ANKRD44: variants seen among roughly 807,000 people sequenced by gnomAD.
ANKRD44 encodes ankyrin repeat domain 44, also known as serine/threonine-protein phosphatase 6 regulatory ankyrin repeat subunit B.
A neutral mutation model predicts 116.0 loss-of-function variants in ANKRD44; 35 were observed. The ratio of observed to expected loss-of-function variants is 0.30; its 90% CI spans 0.23 to 0.40. The LOEUF is 0.40. Ranked by LOEUF, ANKRD44 falls within the 10% of genes least tolerant of loss-of-function variation. The pLI is 1.00. For synonymous variants in ANKRD44, 435 were observed against 461.8 expected (o/e 0.94, Z 0.74); for missense variants, 1,014 against 1,242.6 (o/e 0.82, Z 2.77).
At chr2:197,011,523 A>G (rs1169409392) in intron 18 of ANKRD44, among the ~76,000 whole-genome samples, 1 of 148,938 alleles carries the variant, frequency 6.7e-6, no homozygotes, top group African/African-American at 2.5e-5. Flanking sequence ...CCCAGGCTGG[A>G]GTGCAGTGGC....
chr2:197,219,039 A>C (rs1426245909), intron 1 of ANKRD44, among the ~76,000 whole-genome samples: 2 of 149,332 alleles, frequency 1.3e-5, no homozygotes, highest in Non-Finnish European at 3.0e-5. Context: ...GTGGGATTAC[A>C]AGTGTGAGCC....
intron 16 of ANKRD44, among the ~76,000 whole-genome samples, chr2:197,043,067 A>G (rs551872843): frequency 6.6e-6 from 1 of 152,244 alleles, no homozygotes; most frequent in Admixed American, 6.5e-5. Context: ...GGGATATTTA[A>G]TTTAGTAATA....
chr2:197,020,062 T>C (rs1199532192), intron 17 of ANKRD44, among the ~76,000 whole-genome samples: 1 of 152,120 alleles, frequency 6.6e-6, no homozygotes, highest in East Asian at 1.9e-4. Flanking sequence ...GTGATCCACC[T>C]GCCTTGCCCT....
Position 197,201,693 on chromosome 2 carries a change from A to G in ANKRD44, c.28-14587T>C, listed in dbSNP as rs1435863616. Among the ~76,000 whole-genome samples, 1 of 152,192 alleles carries G rather than the reference A, an allele frequency of 6.6e-6. No homozygotes were observed. Among genetic ancestry groups the G allele is most frequent in the Non-Finnish European group, 1.5e-5 (1 of 68,024 alleles). On this transcript the variant is annotated intron_variant, in intron 1 of 27. Transcript: ENST00000282272. This position sits in a 1 kb window ranked among gnomAD's most constrained non-coding sequence, Gnocchi z 4.0. ...TTTTTGTGTTTTGTGTTTTTATTTC[A>G]GATGCAGGGGATACATGTGCAGGTT...
intron 1 of ANKRD44, among the ~76,000 whole-genome samples, chr2:197,289,336 C>G (rs1229076530): frequency 6.6e-6 from 1 of 152,202 alleles, no homozygotes; most frequent in African/African-American, 2.4e-5. Flanking sequence ...TGAAATGGTA[C>G]GACCACTTTG....
rs2077933385 is a variant in ANKRD44, at chr2:197,086,751, A to G, written c.1248-3T>C. The G allele has an allele frequency of 5.0e-6, 8 of 1,613,534 alleles. No homozygotes were observed. Among genetic ancestry groups the G allele is most frequent in the Non-Finnish European group, 5.9e-6 (7 of 1,179,678 alleles). On this transcript the variant is annotated splice_polypyrimidine_tract_variant and splice_region_variant and intron_variant, in intron 12 of 27. Transcript: ENST00000282272. The stretch of plus-strand genomic sequence containing the variant: ...AGAGTTTTATACATTCCACATTACT[A>G]GAAAGACAGGGAAAACATCATTAAG...
rs769873477 is a variant in ANKRD44 at position 197,147,047 on chromosome 2, A to G, written c.170T>C (p.Ile57Thr). ...VAAFLGDAEI[I>T]ELLILSGARV... ...TTTACCTGACAAAATCAGGAGTTCA[A>G]TGATCTCTGCATCTCCCAGAAATGC... The change falls in exon 3 of 28, where the codon ATT (isoleucine) becomes ACT (threonine). Residue 57 changes from isoleucine to threonine, a missense_variant. Physicochemically the swap from Ile to Thr is moderately conservative, Grantham distance 89. Coordinates refer to ENST00000282272, the MANE Select transcript of ANKRD44 (RefSeq NM_001195144.2). 7.4e-6 allele frequency: 12 copies of G among 1,613,676 alleles called. No individual in the cohort carries two copies. In the East Asian group the frequency reaches 8.9e-5, roughly 12 times the overall value.
intron 16 of ANKRD44, among the ~76,000 whole-genome samples, chr2:197,077,440 C>A (rs560540355): frequency 6.6e-6 from 1 of 152,230 alleles, no homozygotes; most frequent in Non-Finnish European, 1.5e-5. Context: ...GGATAAGATA[C>A]CTGCAAAGGC....
At chr2:197,018,794 T>C (rs1004826681) in intron 17 of ANKRD44, among the ~76,000 whole-genome samples, 2 of 152,230 alleles carry the variant, frequency 1.3e-5, no homozygotes, top group African/African-American at 4.8e-5. Context: ...GGTAGAAATA[T>C]GTTTTTTAAA....
At chr2:197,065,196 A>C (rs2077404270) in intron 16 of ANKRD44, among the ~76,000 whole-genome samples, 1 of 152,246 alleles carries the variant, frequency 6.6e-6, no homozygotes, top group South Asian at 2.1e-4. Context: ...CCTGCTCCTG[A>C]ATGACTACTG....
chr2:197,202,798 G>C (rs1010828536), intron 1 of ANKRD44, among the ~76,000 whole-genome samples: 2 of 151,738 alleles, frequency 1.3e-5, no homozygotes, highest in African/African-American at 4.8e-5. Context: ...GGCTGGTCTT[G>C]AACTCCTGGG....
At chr2:197,134,776 A>T (rs1012929430) in intron 4 of ANKRD44, 3 of 152,180 alleles carry the variant, frequency 2.0e-5, no homozygotes, top group Admixed American at 6.5e-5. Context: ...TCCCAACTAA[A>T]AAGACCTGGT....
chr2:196,990,263 T>C (rs1245016283), intron 27 of ANKRD44: 4 of 987,690 alleles, frequency 4.0e-6, no homozygotes, highest in South Asian at 4.7e-5. Flanking sequence ...AGGCATTTCC[T>C]ATCTGCCTCT....
rs889581813 is a variant in ANKRD44 at position 197,201,483 on chromosome 2, C to A, written c.28-14377G>T. Among the ~76,000 whole-genome samples, 1 of 152,176 alleles carries A rather than the reference C, an allele frequency of 6.6e-6. No individual in the cohort carries two copies. The highest frequency in any genetic ancestry group is 1.5e-5 in the Non-Finnish European group (1 of 68,030). ...GATCCTTTGGCCTCCTCTGGCCCAA[C>A]TGACATAACTGAGGTTGGTTCCTTT... On this transcript the variant is annotated intron_variant, in intron 1 of 27. Coordinates refer to ENST00000282272, the MANE Select transcript of ANKRD44 (RefSeq NM_001195144.2). This position sits in a 1 kb window ranked among gnomAD's most constrained non-coding sequence, Gnocchi z 4.0.
intron 17 of ANKRD44, among the ~76,000 whole-genome samples, chr2:197,018,346 C>CA (rs1491546349): frequency 1.3e-5 from 2 of 152,296 alleles, no homozygotes; most frequent in East Asian, 3.9e-4. Flanking sequence ...TCCCCTCACT[C>CA]ACTCTGTTCC....
chr2:197,037,729 C>T (rs1048259939), intron 16 of ANKRD44, among the ~76,000 whole-genome samples: 24 of 152,238 alleles, frequency 1.6e-4, no homozygotes, highest in Middle Eastern at 3.4e-3. Context: ...CTTGAGCCCA[C>T]GAGTTTGAGA....
chr2:197,080,142 C>T lies in ANKRD44; in HGVS notation c.1539-1328G>A, dbSNP rs531816368. Among the ~76,000 whole-genome samples, 147 of 152,300 alleles carry T rather than the reference C, an allele frequency of 9.7e-4. 1 individual carries two copies. The highest frequency in any genetic ancestry group is 2.5e-3 in the South Asian group (12 of 4,830). ...TAGGAATAACATGCTAGTGGACACA[C>T]AATTCCCAATTTCTGAATGGATTAT... On this transcript the variant is annotated intron_variant, in intron 15 of 27. Coordinates refer to ENST00000282272, the MANE Select transcript of ANKRD44 (RefSeq NM_001195144.2).
At chr2:197,115,135 C>T (rs964312793) in intron 8 of ANKRD44, among the ~76,000 whole-genome samples, 4 of 152,142 alleles carry the variant, frequency 2.6e-5, no homozygotes, top group African/African-American at 7.2e-5. Context: ...GATCTAAGAG[C>T]CTGCAGACAG....
At position 197,035,856 on chromosome 2, in the gene ANKRD44, A is replaced by G. The variant is rs570367267; in HGVS notation, c.1651-10589T>C. On this transcript the variant is annotated intron_variant, in intron 16 of 27. Transcript: ENST00000282272. The stretch of plus-strand genomic sequence containing the variant: ...CAGGCCGTGTCAATCTCCTCCCTTC[A>G]GAGGATCCCAGGGGACTGGTTTGAG... Among the ~76,000 whole-genome samples, 425 of 152,008 alleles carry G rather than the reference A, an allele frequency of 2.8e-3. 1 individual carries two copies. Among genetic ancestry groups the G allele is most frequent in the Non-Finnish European group, 4.2e-3 (287 of 67,900 alleles).
Sources: allele counts gnomAD v4.1 joint callset (sites outside exome capture counted in the v4.1 genomes callset), GRCh38; gene constraint gnomAD v4.1.1; non-coding constraint Gnocchi (gnomAD v3.1); transcripts MANE v1.5; gene names NCBI Gene and HGNC (gene_info 2026-07-23, HGNC 2026-07-21).